Variants in ENDOD1 observed in about 807,000 individuals in gnomAD.
The protein encoded by ENDOD1 is endonuclease domain containing 1.
In ENDOD1, 9 loss-of-function variants were observed where a neutral mutation model predicts 6.5. The ratio of observed to expected loss-of-function variants is 1.39; its 90% CI spans 0.84 to 2.43. The LOEUF is 2.43. Ranked by LOEUF, ENDOD1 falls within the 30% of genes most tolerant of loss-of-function variation. ENDOD1 has a pLI of 0.00. For missense variants in ENDOD1, 648 were observed against 635.5 expected (o/e 1.02, Z -0.21); for synonymous variants, 255 against 255.2 (o/e 1.00, Z 0.01).
rs1414254602 is a variant in ENDOD1, at chr11:95,089,909, C to A, written c.-19C>A. 2 of 1,355,200 alleles carry A rather than the reference C, an allele frequency of 1.5e-6. No homozygotes were observed. Among genetic ancestry groups the A allele is most frequent in the South Asian group, 3.8e-5 (2 of 52,276 alleles). 83.9% of individuals were successfully genotyped at this position (1,355,200 alleles called of 1,614,324 possible). ...CGGCAGCCCAGCCGCTCGGCCCCGC[C>A]GCGCTCGCAGAGGCCGCCATGGGCA... On this transcript the variant is annotated 5_prime_UTR_variant, in exon 1 of 2. Transcript: ENST00000278505.
Position 95,104,712 on chromosome 11 carries a change from A to T in ENDOD1, c.300+14485A>T, listed in dbSNP as rs368640529. Among the ~76,000 whole-genome samples the T allele has an allele frequency of 6.6e-5, 10 of 152,344 alleles. 1 individual carries two copies. In the East Asian group the frequency reaches 1.3e-3, roughly 21 times the overall value. The stretch of plus-strand genomic sequence containing the variant: ...CACAGGTAGATTCACAGGCACGGGA[A>T]AAGAGATACACACTGAGCTCAAAGG... On this transcript the variant is annotated intron_variant, in intron 1 of 1. Transcript: ENST00000278505.
intron 1 of ENDOD1, among the ~76,000 whole-genome samples, chr11:95,097,928 GAATAT>G (rs1427797218): frequency 6.6e-6 from 1 of 152,182 alleles, no homozygotes; most frequent in Admixed American, 6.5e-5. Flanking sequence ...ATAAGAGCAA[GAATAT>G]AATACTGGTT....
At chr11:95,095,597 A>C (rs1399493121) in intron 1 of ENDOD1, among the ~76,000 whole-genome samples, 11 of 152,224 alleles carry the variant, frequency 7.2e-5, no homozygotes, top group African/African-American at 2.4e-4. Context: ...TCCCTATACT[A>C]TTCTTTCAGT....
At chr11:95,111,813 C>A (rs1555111971) in intron 1 of ENDOD1, among the ~76,000 whole-genome samples, 1 of 152,182 alleles carries the variant, frequency 6.6e-6, no homozygotes, top group African/African-American at 2.4e-5. Flanking sequence ...TTTAGAGCTT[C>A]AGGTAACCTG....
chr11:95,097,531 A>G (rs1161618411), intron 1 of ENDOD1, among the ~76,000 whole-genome samples: 1 of 152,174 alleles, frequency 6.6e-6, no homozygotes, highest in Admixed American at 6.5e-5. Flanking sequence ...TTTGTAAAAT[A>G]TTGGGGTTTT....
chr11:95,123,681 G>GA (rs1701983551), intron 1 of ENDOD1, among the ~76,000 whole-genome samples: 1 of 151,996 alleles, frequency 6.6e-6, no homozygotes. Flanking sequence ...TGCTTTAGGA[G>GA]AAACGTTTTA....
chr11:95,107,322 A>C (rs1396462192), intron 1 of ENDOD1, among the ~76,000 whole-genome samples: 14 of 149,830 alleles, frequency 9.3e-5, no homozygotes, highest in Non-Finnish European at 2.1e-4. Context: ...CGAGAGAGCG[A>C]GACTCAGTCT....
rs1396259200 is a variant in ENDOD1 at position 95,131,985 on chromosome 11, G to T, written c.*2406G>T. 1.3e-5 allele frequency: 2 copies of T among 152,434 alleles called. No individual in the cohort carries two copies. The highest frequency in any genetic ancestry group is 2.9e-5 in the Non-Finnish European group (2 of 68,068). 9.4% of individuals were successfully genotyped at this position (152,434 alleles called of 1,614,324 possible). ...AGCTACTAGTGTGGCTGTGCCTGTG[G>T]GTCTCTAGAACCATCTGCATTGGAC... On this transcript the variant is annotated 3_prime_UTR_variant, in exon 2 of 2. Coordinates refer to ENST00000278505, the MANE Select transcript of ENDOD1 (RefSeq NM_015036.3).
At chr11:95,108,676 A>G (rs1859117965) in intron 1 of ENDOD1, among the ~76,000 whole-genome samples, 1 of 151,996 alleles carries the variant, frequency 6.6e-6, no homozygotes, top group South Asian at 2.1e-4. Context: ...TTCTTTCCTG[A>G]GAGCTGAAAA....
At chr11:95,110,579 A>ATGTGTGGTGTGTG (rs1555111812) in intron 1 of ENDOD1, among the ~76,000 whole-genome samples, 31 of 135,144 alleles carry the variant, frequency 2.3e-4, no homozygotes, top group African/African-American at 7.7e-4. Flanking sequence ...AAGTCCGTGT[A>ATGTGTGGTGTGTG]TGTATGTGTG....
chr11:95,113,852 C>T (rs774196504), intron 1 of ENDOD1, among the ~76,000 whole-genome samples: 4 of 152,128 alleles, frequency 2.6e-5, no homozygotes, highest in Non-Finnish European at 4.4e-5. Context: ...CCAAAGTGTT[C>T]TCCATAGTGG....
In ENDOD1 at chr11:95,132,198, G is replaced by T. The variant is rs973770322; in HGVS notation, c.*2619G>T. On this transcript the variant is annotated 3_prime_UTR_variant, in exon 2 of 2. Coordinates refer to ENST00000278505, the MANE Select transcript of ENDOD1 (RefSeq NM_015036.3). The stretch of plus-strand genomic sequence containing the variant: ...AGCTGATTTTCTAGTCTGTGGATCA[G>T]CTATGCCTTTGGACACTTCTCTTTT... The T allele has an allele frequency of 2.0e-5, 3 of 152,672 alleles. No individual in the cohort carries two copies. The highest frequency in any genetic ancestry group is 2.9e-5 in the Non-Finnish European group (2 of 68,052). 9.5% of individuals were successfully genotyped at this position (152,672 alleles called of 1,614,324 possible). A position where few individuals can be genotyped will look rare whatever the true frequency, so the allele number is the denominator to read the frequency against.
chr11:95,108,442 C>T (rs556915687), intron 1 of ENDOD1, among the ~76,000 whole-genome samples: 115 of 151,360 alleles, frequency 7.6e-4, no homozygotes, highest in Admixed American at 4.4e-3. Context: ...CAAGGACATG[C>T]TCTGCTAAAA....
chr11:95,097,154 CA>C (rs34990638), intron 1 of ENDOD1, among the ~76,000 whole-genome samples: 10,041 of 140,058 alleles, frequency 0.072, 353 homozygotes, highest in African/African-American at 0.097. Flanking sequence ...GACCCTGTTT[CA>C]AAAAAAAAAA....
intron 1 of ENDOD1, among the ~76,000 whole-genome samples, chr11:95,091,982 G>T (rs2134159537): frequency 6.6e-6 from 1 of 152,272 alleles, no homozygotes; most frequent in South Asian, 2.1e-4. Context: ...TGAGTACTAA[G>T]TACTAGCTGT....
intron 1 of ENDOD1, among the ~76,000 whole-genome samples, chr11:95,105,617 G>A (rs1190144463): frequency 6.6e-6 from 1 of 152,028 alleles, no homozygotes; most frequent in Non-Finnish European, 1.5e-5. Flanking sequence ...TCCCCTCCCT[G>A]TGTCCATGTG....
At chr11:95,100,762 G>C (rs1182197396) in intron 1 of ENDOD1, among the ~76,000 whole-genome samples, 1 of 150,124 alleles carries the variant, frequency 6.7e-6, no homozygotes, top group Admixed American at 6.6e-5. Context: ...CTTCCAAAGT[G>C]CTGGATTACA....
intron 1 of ENDOD1, among the ~76,000 whole-genome samples, chr11:95,094,622 C>A (rs1555110141): frequency 6.6e-6 from 1 of 152,182 alleles, no homozygotes; most frequent in Non-Finnish European, 1.5e-5. Context: ...CAAGTTAGAA[C>A]CTTGATTAAG....
chr11:95,130,472 C>T lies in ENDOD1; in HGVS notation c.*893C>T, dbSNP rs934174035. 1 of 152,018 alleles carries T rather than the reference C, an allele frequency of 6.6e-6. No homozygotes were observed. The highest frequency in any genetic ancestry group is 1.5e-5 in the Non-Finnish European group (1 of 68,006). The allele number at this position is 152,018 out of a possible 1,614,324, so 9.4% of individuals were successfully genotyped here. A position where few individuals can be genotyped will look rare whatever the true frequency, so the allele number is the denominator to read the frequency against. ...TGGATTAACTTGACGTGTATCCCTG[C>T]CTGACAAGGTTGAACTGAAAGATCT... On this transcript the variant is annotated 3_prime_UTR_variant, in exon 2 of 2. Coordinates refer to ENST00000278505, the MANE Select transcript of ENDOD1 (RefSeq NM_015036.3).
Sources: allele counts gnomAD v4.1 joint callset (sites outside exome capture counted in the v4.1 genomes callset), GRCh38; gene constraint gnomAD v4.1.1; transcripts MANE v1.5; gene names NCBI Gene and HGNC (gene_info 2026-07-23, HGNC 2026-07-21).